MIPOL1: variants seen among roughly 807,000 people sequenced by gnomAD.
The protein encoded by MIPOL1 is mirror-image polydactyly gene 1 protein.
In MIPOL1, 57 loss-of-function variants were observed where a neutral mutation model predicts 60.9. The ratio of observed to expected loss-of-function variants is 0.94; its 90% CI spans 0.76 to 1.17. The LOEUF (loss-of-function observed/expected upper bound fraction) is 1.17, where lower values mean the gene tolerates loss of function less well. Among genes scored for constraint, MIPOL1 ranks in the 50% most tolerant of loss-of-function variants. The probability of loss-of-function intolerance (pLI) is 0.00; values close to 1 mark genes in which losing one functional copy is unlikely to be tolerated. For missense variants in MIPOL1, 551 were observed against 511.6 expected (o/e 1.08, Z -0.74); for synonymous variants, 179 against 168.8 (o/e 1.06, Z -0.47).
At position 37,250,494 on chromosome 14, in the gene MIPOL1, C is replaced by G. The variant is rs7142057; in HGVS notation, c.19+2587C>G. On this transcript the variant is annotated intron_variant, in intron 3 of 12. Transcript: ENST00000684589. ...CTCCAGTGGCGGAGGTTGTAGTGAG[C>G]AGAGATCATGCCATCACACTCCAGT... Among the ~76,000 whole-genome samples, 409 of 152,228 alleles carry G rather than the reference C, an allele frequency of 2.7e-3. 3 individuals are homozygous for G. The highest frequency in any genetic ancestry group is 9.6e-3 in the African/African-American group (400 of 41,530).
chr14:37,547,280 T>C lies in MIPOL1; in HGVS notation c.*309T>C. 3.8e-6 allele frequency: 1 copy of C among 261,980 alleles called. No individual in the cohort carries two copies. The highest frequency in any genetic ancestry group is 5.1e-5 in the Admixed American group (1 of 19,714). 16.2% of individuals were successfully genotyped at this position (261,980 alleles called of 1,614,324 possible). On this transcript the variant is annotated 3_prime_UTR_variant, in exon 13 of 13. Coordinates refer to ENST00000684589, the MANE Select transcript of MIPOL1 (RefSeq NM_001388067.1). The stretch of plus-strand genomic sequence containing the variant: ...AAATCTTTTTACTGAGAGATCATTA[T>C]AGAAACATGTTAAAGTTGGTTAGGA...
At chr14:37,285,783 G>A (rs1451107439) in intron 7 of MIPOL1, among the ~76,000 whole-genome samples, 1 of 151,594 alleles carries the variant, frequency 6.6e-6, no homozygotes, top group Non-Finnish European at 1.5e-5. Context: ...TAGTAGAGAT[G>A]GGGTTTCACC....
At chr14:37,332,832 G>A (rs1226739064) in intron 9 of MIPOL1, among the ~76,000 whole-genome samples, 1 of 152,090 alleles carries the variant, frequency 6.6e-6, no homozygotes, top group Non-Finnish European at 1.5e-5. Flanking sequence ...TGGTGTTACT[G>A]AAGAGTTACA....
intron 1 of MIPOL1, among the ~76,000 whole-genome samples, chr14:37,214,657 G>T (rs995741558): frequency 6.6e-5 from 10 of 152,012 alleles, no homozygotes; most frequent in African/African-American, 1.2e-4. Flanking sequence ...CCTGGGAAAA[G>T]CCAGGCCATA....
intron 7 of MIPOL1, among the ~76,000 whole-genome samples, chr14:37,296,914 C>A (rs928293820): frequency 1.8e-4 from 27 of 152,120 alleles, no homozygotes; most frequent in African/African-American, 5.6e-4. Context: ...GAAACTATTC[C>A]AATCAATAGA....
In MIPOL1 at chr14:37,423,005, C is replaced by G; in HGVS notation, c.1031+56C>G. On this transcript the variant is annotated intron_variant, in intron 11 of 12. Coordinates refer to ENST00000684589, the MANE Select transcript of MIPOL1 (RefSeq NM_001388067.1). ...AATATTGTTAGTTTGGGAAATGTTT[C>G]TACCTGATTTTACAATAGTGAATGA... 3 of 1,122,030 alleles carry G rather than the reference C, an allele frequency of 2.7e-6. No individual in the cohort carries two copies. In the South Asian group the frequency reaches 4.2e-5, roughly 16 times the overall value. 69.5% of individuals were successfully genotyped at this position (1,122,030 alleles called of 1,614,324 possible). A position where few individuals can be genotyped will look rare whatever the true frequency, so the allele number is the denominator to read the frequency against.
At chr14:37,450,732 A>C (rs951391688) in intron 11 of MIPOL1, among the ~76,000 whole-genome samples, 1 of 152,098 alleles carries the variant, frequency 6.6e-6, no homozygotes, top group Non-Finnish European at 1.5e-5. Flanking sequence ...CCTAATAGAC[A>C]GATGTTATAC....
chr14:37,334,564 T>G (rs2089972629), intron 9 of MIPOL1, among the ~76,000 whole-genome samples: 1 of 151,980 alleles, frequency 6.6e-6, no homozygotes, highest in Non-Finnish European at 1.5e-5. Flanking sequence ...ATATAATATT[T>G]TTCGGTATAT....
At chr14:37,369,666 G>A (rs2153495782) in intron 10 of MIPOL1, 42 bp downstream of exon 10, 2 of 1,455,864 alleles carry the variant, frequency 1.4e-6, no homozygotes, top group South Asian at 2.3e-5. Flanking sequence ...AAGGTTGTAA[G>A]CCCTTGGTGC....
chr14:37,299,140 C>T (rs1024596449), intron 7 of MIPOL1, among the ~76,000 whole-genome samples: 3 of 152,108 alleles, frequency 2.0e-5, no homozygotes, highest in Admixed American at 2.0e-4. Context: ...AGTTCATGTC[C>T]TTTGTAGGGA....
intron 6 of MIPOL1, among the ~76,000 whole-genome samples, chr14:37,283,830 C>A (rs2084322711): frequency 3.9e-5 from 6 of 152,162 alleles, no homozygotes; most frequent in Admixed American, 3.9e-4. Context: ...AGCTTGCTAA[C>A]CTTTAGTACC....
At chr14:37,296,894 C>T (rs981541151) in intron 7 of MIPOL1, among the ~76,000 whole-genome samples, 5 of 152,164 alleles carry the variant, frequency 3.3e-5, no homozygotes, top group African/African-American at 9.7e-5. Context: ...GAACTGGTAC[C>T]ATTCCTTCTG....
chr14:37,522,064 A>G (rs1594860330), intron 12 of MIPOL1, among the ~76,000 whole-genome samples: 2 of 149,112 alleles, frequency 1.3e-5, no homozygotes, highest in African/African-American at 4.8e-5. Context: ...ACTCTCATCA[A>G]TTTAACACAT....
At chr14:37,248,247 A>T (rs1203970223) in intron 3 of MIPOL1, among the ~76,000 whole-genome samples, 3 of 152,230 alleles carry the variant, frequency 2.0e-5, no homozygotes, top group African/African-American at 7.2e-5. Flanking sequence ...TGTGACAGAG[A>T]TGTACAGAGC....
chr14:37,422,969 G>A lies in MIPOL1; in HGVS notation c.1031+20G>A, dbSNP rs749963685. 13 of 1,458,164 alleles carry A rather than the reference G, an allele frequency of 8.9e-6. No homozygotes were observed. In the Admixed American group the frequency reaches 2.1e-4, roughly 24 times the overall value. The allele number at this position is 1,458,164 out of a possible 1,614,324, so 90.3% of individuals were successfully genotyped here. A position where few individuals can be genotyped will look rare whatever the true frequency, so the allele number is the denominator to read the frequency against. On this transcript the variant is annotated intron_variant, in intron 11 of 12. Coordinates refer to ENST00000684589, the MANE Select transcript of MIPOL1 (RefSeq NM_001388067.1). ...CTACAGGTAAAATTCTTTTTAGCCT[G>A]GGGTTAAGTAAATATTGTTAGTTTG...
chr14:37,523,404 T>A (rs530380679), intron 12 of MIPOL1: 1 of 354,066 alleles, frequency 2.8e-6, no homozygotes, highest in South Asian at 1.5e-4. Flanking sequence ...ATTACAGATA[T>A]CCCAGGAAGT....
chr14:37,455,935 A>C (rs2094472411), intron 11 of MIPOL1, among the ~76,000 whole-genome samples: 1 of 152,078 alleles, frequency 6.6e-6, no homozygotes, highest in Non-Finnish European at 1.5e-5. Context: ...TGTTTACCAA[A>C]TGGGATTTAT....
At chr14:37,374,991 G>A (rs544955163) in intron 10 of MIPOL1, among the ~76,000 whole-genome samples, 36 of 152,148 alleles carry the variant, frequency 2.4e-4, no homozygotes, top group Middle Eastern at 3.4e-3. Flanking sequence ...CTATTTTCAC[G>A]ATATTGATTC....
chr14:37,466,545 A>C (rs902597067), intron 11 of MIPOL1, among the ~76,000 whole-genome samples: 1 of 152,198 alleles, frequency 6.6e-6, no homozygotes, highest in Non-Finnish European at 1.5e-5. Context: ...AGTTTAGTGC[A>C]CCAAATTTCA....
Sources: gnomAD v4.1 joint callset for allele counts (sites outside exome capture counted in the v4.1 genomes callset) on GRCh38, gnomAD v4.1.1 for gene constraint, MANE v1.5 for transcripts, NCBI Gene and HGNC (gene_info 2026-07-23, HGNC 2026-07-21) for gene names.